The following ERBB4 variants were observed in gnomAD, a reference collection of about 807,000 sequenced individuals.
The protein encoded by ERBB4 is erb-b2 receptor tyrosine kinase 4, also known as receptor tyrosine-protein kinase erbB-4.
A neutral mutation model predicts 158.0 loss-of-function variants in ERBB4; 42 were observed. That is an observed-to-expected ratio of 0.27 (90% CI 0.21 to 0.34). ERBB4 has a LOEUF of 0.34. Ranked by LOEUF, ERBB4 falls within the 10% of genes least tolerant of loss-of-function variation. The pLI, the probability that ERBB4 is intolerant of heterozygous loss-of-function variation, is 1.00. For synonymous variants in ERBB4, 583 were observed against 558.7 expected, an observed-to-expected ratio of 1.04 and a Z score of -0.61; for missense variants, 1,333 against 1,624.1, an observed-to-expected ratio of 0.82 and a Z score of 3.08.
At chr2:212,450,963 G>A (rs1037506560) in intron 1 of ERBB4, among the ~76,000 whole-genome samples, 6 of 151,960 alleles carry the variant, frequency 3.9e-5, no homozygotes, top group Middle Eastern at 3.4e-3. Flanking sequence ...CTACCTTTAC[G>A]AAAAAATAAA....
chr2:211,957,726 A>G (rs1428249105), intron 2 of ERBB4, among the ~76,000 whole-genome samples: 2 of 152,098 alleles, frequency 1.3e-5, no homozygotes, highest in Admixed American at 6.6e-5. Flanking sequence ...CTCCTTTTCA[A>G]TATGTTCCCT....
chr2:211,997,668 C>T (rs547789168), intron 2 of ERBB4, among the ~76,000 whole-genome samples: 22 of 151,978 alleles, frequency 1.4e-4, no homozygotes, highest in African/African-American at 4.8e-4. Context: ...CCCTCTTTCC[C>T]GCTCCCTCTC....
intron 5 of ERBB4, among the ~76,000 whole-genome samples, chr2:211,749,358 A>C (rs1031315900): frequency 6.6e-6 from 1 of 152,242 alleles, no homozygotes; most frequent in African/African-American, 2.4e-5. Flanking sequence ...GCTGTAGTAC[A>C]ACATGCAAAA....
At chr2:211,708,818 T>A (rs1192299463) in intron 9 of ERBB4, among the ~76,000 whole-genome samples, 1 of 152,120 alleles carries the variant, frequency 6.6e-6, no homozygotes, top group Admixed American at 6.6e-5. Context: ...AGTTTTTTTA[T>A]TGGAGGAAAC....
In ERBB4 at chr2:211,383,577, G is replaced by C; in HGVS notation, c.*38C>G. 6.5e-7 allele frequency: 1 copy of C among 1,535,994 alleles called. No homozygotes were observed. On this transcript the variant is annotated 3_prime_UTR_variant, in exon 28 of 28. Coordinates refer to ENST00000342788, the MANE Select transcript of ERBB4 (RefSeq NM_005235.3). ...AAGAGAGGGGGGTGGGGAAATTGGA[G>C]CAGGTGTGTCTCTCCACCTAAAAAA...
At chr2:211,458,588 T>A (rs1214089225) in intron 20 of ERBB4, among the ~76,000 whole-genome samples, 1 of 152,144 alleles carries the variant, frequency 6.6e-6, no homozygotes, top group Admixed American at 6.6e-5. Flanking sequence ...CTCTTATACC[T>A]TTCTCCCTTC....
At chr2:211,734,585 T>C (rs559775143) in intron 5 of ERBB4, among the ~76,000 whole-genome samples, 63 of 126,282 alleles carry the variant, frequency 5.0e-4, no homozygotes, top group African/African-American at 1.8e-3. Context: ...AAGTAAATTA[T>C]AGCACAACCA....
chr2:211,415,107 C>CTT (rs71047175), intron 25 of ERBB4, among the ~76,000 whole-genome samples: 10,718 of 72,502 alleles, frequency 0.15, 3,400 homozygotes, highest in Non-Finnish European at 0.2. Context: ...CTTACATTTT[C>CTT]TTTTTTTTTT....
chr2:212,163,798 T>C (rs1351491177), intron 1 of ERBB4, among the ~76,000 whole-genome samples: 4 of 151,974 alleles, frequency 2.6e-5, no homozygotes, highest in Non-Finnish European at 5.9e-5. Context: ...TGATCAATTT[T>C]TTGTTTTTGT....
chr2:211,535,631 T>C (rs2066629327), intron 20 of ERBB4: 2 of 147,482 alleles, frequency 1.4e-5, no homozygotes, highest in South Asian at 4.3e-4. Flanking sequence ...ACATGTGTTG[T>C]GTATAGAAAG....
Position 212,166,972 on chromosome 2 carries a change from C to T in ERBB4, c.83-42069G>A, listed in dbSNP as rs572719855. On this transcript the variant is annotated intron_variant, in intron 1 of 27. Transcript: ENST00000342788. Reference sequence around the variant, plus strand: ...TGGATTGAAGACTTAAATGTAAAACCCCAAACCATAAAAACCCTAGAAGAA... The same window carrying T: ...TGGATTGAAGACTTAAATGTAAAACTCCAAACCATAAAAACCCTAGAAGAA... 6.6e-5 allele frequency among the ~76,000 whole-genome samples: 10 copies of T among 152,096 alleles called. No individual in the cohort carries two copies. In the East Asian group the frequency reaches 1.9e-3, roughly 29 times the overall value.
Position 211,591,461 on chromosome 2 carries a change from G to A in ERBB4, c.2301+27716C>T, listed in dbSNP as rs541599032. ...CCAGGGCTTTCCATACCACTATACT[G>A]TTGCATGGAATGTTGCCCTTCTCTC... On this transcript the variant is annotated intron_variant, in intron 19 of 27. Transcript: ENST00000342788. Among the ~76,000 whole-genome samples, 6 of 152,164 alleles carry A rather than the reference G, an allele frequency of 3.9e-5. No homozygotes were observed. The South Asian group carries it at 1.2e-3, about 32-fold the overall frequency.
intron 19 of ERBB4, among the ~76,000 whole-genome samples, chr2:211,573,398 C>T (rs976447403): frequency 6.6e-5 from 10 of 152,178 alleles, no homozygotes; most frequent in South Asian, 4.2e-4. Flanking sequence ...GCACCAGGTG[C>T]GGTGGCTCAC....
chr2:211,684,509 G>A (rs909887822), intron 12 of ERBB4, among the ~76,000 whole-genome samples: 1 of 152,190 alleles, frequency 6.6e-6, no homozygotes, highest in South Asian at 2.1e-4. Context: ...AACCAAGCTT[G>A]CAGGACACAC....
intron 16 of ERBB4, among the ~76,000 whole-genome samples, chr2:211,635,933 T>C (rs2070340844): frequency 6.6e-6 from 1 of 152,060 alleles, no homozygotes; most frequent in South Asian, 2.1e-4. Flanking sequence ...AAAACACTGA[T>C]GGTATACTTG....
intron 7 of ERBB4, among the ~76,000 whole-genome samples, chr2:211,715,619 G>A (rs1232239140): frequency 6.6e-6 from 1 of 152,166 alleles, no homozygotes; most frequent in East Asian, 1.9e-4. Context: ...CCCTCTTGGT[G>A]TTGTCGTTGC....
chr2:211,653,686 T>G (rs1369000185), intron 16 of ERBB4, among the ~76,000 whole-genome samples: 1 of 151,556 alleles, frequency 6.6e-6, no homozygotes, highest in African/African-American at 2.4e-5. Context: ...TTTGGGGGGG[T>G]TTGAGGGGGA....
chr2:211,451,854 A>G (rs1264551998), intron 20 of ERBB4, among the ~76,000 whole-genome samples: 1 of 152,202 alleles, frequency 6.6e-6, no homozygotes. Context: ...GTTCCAAGTA[A>G]TTTGTCATGC....
At chr2:211,396,822 C>T (rs991369841) in intron 25 of ERBB4, among the ~76,000 whole-genome samples, 2 of 152,086 alleles carry the variant, frequency 1.3e-5, no homozygotes, top group Non-Finnish European at 2.9e-5. Context: ...AAACTGTTTA[C>T]CAGATAAAAA....
Sources: gnomAD v4.1 joint callset for allele counts (sites outside exome capture counted in the v4.1 genomes callset) on GRCh38, gnomAD v4.1.1 for gene constraint, MANE v1.5 for transcripts, NCBI Gene and HGNC (gene_info 2026-07-23, HGNC 2026-07-21) for gene names.